Variants in CLSTN1 observed in about 807,000 individuals in gnomAD.
CLSTN1 encodes calsyntenin 1.
In CLSTN1, 28 loss-of-function variants were observed where a neutral mutation model predicts 108.3. That is an observed-to-expected ratio of 0.26 (90% CI 0.19 to 0.35). The LOEUF (loss-of-function observed/expected upper bound fraction) is 0.35. Among genes scored for constraint, CLSTN1 ranks in the 10% least tolerant of loss-of-function variants. CLSTN1 has a pLI of 1.00. For synonymous variants in CLSTN1, 524 were observed against 534.9 expected (o/e 0.98, Z 0.28); for missense variants, 1,157 against 1,302.6 (o/e 0.89, Z 1.72).
intron 7 of CLSTN1, among the ~76,000 whole-genome samples, chr1:9,746,197 T>C (rs1276351681): frequency 6.6e-6 from 1 of 152,220 alleles, no homozygotes; most frequent in Non-Finnish European, 1.5e-5. Flanking sequence ...GTCTCCATGA[T>C]TATTCCCTTA....
Position 9,743,980 on chromosome 1 carries a change from G to C in CLSTN1, c.1260C>G (p.Leu420=). 6.2e-7 allele frequency: 1 copy of C among 1,614,200 alleles called. No individual in the cohort carries two copies. Among genetic ancestry groups the C allele is most frequent in the Non-Finnish European group, 8.5e-7 (1 of 1,180,016 alleles). The change falls in exon 9 of 19, where the codon CTC becomes CTG. Residue 420 remains leucine (L), a synonymous_variant. Transcript: ENST00000377298. ...AGATCAGCCGGCACCCGTGGACATA[G>C]AGGGAGTAGTGGTGCCGATTCATAT... The part of the protein sequence containing the change: ...KTDMNRHHYS[L]YVHGCRLIFL...
rs1557701457 is a variant in CLSTN1, at chr1:9,758,324, CT to C, written c.215-1815del. 2.0e-5 allele frequency among the ~76,000 whole-genome samples: 3 copies of C among 150,248 alleles called. No homozygotes were observed. In the South Asian group the frequency reaches 6.3e-4, roughly 32 times the overall value. On this transcript the variant is annotated intron_variant, in intron 2 of 18. Coordinates refer to ENST00000377298, the MANE Select transcript of CLSTN1 (RefSeq NM_001009566.3). ...CAGTTTTTATGACTTGCTTCTTTTT[CT>C]TTTTTTGAGACAGAGTCTCACTCTG...
rs960886400 is a variant in CLSTN1, at chr1:9,808,531, T to A, written c.91+15112A>T. Among the ~76,000 whole-genome samples the A allele has an allele frequency of 3.3e-5, 5 of 152,232 alleles. 1 individual carries two copies. Among genetic ancestry groups the A allele is most frequent in the Admixed American group, 3.3e-4 (5 of 15,274 alleles). On this transcript the variant is annotated intron_variant, in intron 1 of 18. Coordinates refer to ENST00000377298, the MANE Select transcript of CLSTN1 (RefSeq NM_001009566.3). Reference sequence around the variant, plus strand: ...ATGAGTTACCTTTCCAAATCAGAAATGGCTTAGGTACCAGGAAACAATGTA... The same window carrying A: ...ATGAGTTACCTTTCCAAATCAGAAAAGGCTTAGGTACCAGGAAACAATGTA...
At chr1:9,803,003 T>C (rs1654352427) in intron 1 of CLSTN1, among the ~76,000 whole-genome samples, 1 of 152,176 alleles carries the variant, frequency 6.6e-6, no homozygotes, top group East Asian at 1.9e-4. Flanking sequence ...TTTTTATTTT[T>C]TGTAGAGACA....
At chr1:9,780,985 C>T in intron 1 of CLSTN1, 5 of 472,352 alleles carry the variant, frequency 1.1e-5, no homozygotes, top group Middle Eastern at 5.6e-4. Flanking sequence ...ACTGTGGTGT[C>T]ATGTCGGTGC....
At chr1:9,782,644 T>C (rs1365847109) in intron 1 of CLSTN1, among the ~76,000 whole-genome samples, 2 of 152,178 alleles carry the variant, frequency 1.3e-5, no homozygotes, top group African/African-American at 4.8e-5. Flanking sequence ...AATACAATAA[T>C]CAACTTTAGG....
At chr1:9,791,544 T>C (rs1653771432) in intron 1 of CLSTN1, among the ~76,000 whole-genome samples, 1 of 151,134 alleles carries the variant, frequency 6.6e-6, no homozygotes, top group African/African-American at 2.4e-5. Context: ...CAAATCCTTT[T>C]TTTTTGAGAT....
At chr1:9,771,412 A>C (rs1652667635) in intron 2 of CLSTN1, among the ~76,000 whole-genome samples, 1 of 152,112 alleles carries the variant, frequency 6.6e-6, no homozygotes, top group Non-Finnish European at 1.5e-5. Context: ...TCAGGAGTTC[A>C]AGACCAGCCT....
At chr1:9,804,388 G>A (rs1654417822) in intron 1 of CLSTN1, among the ~76,000 whole-genome samples, 2 of 151,204 alleles carry the variant, frequency 1.3e-5, no homozygotes, top group Admixed American at 1.3e-4. Context: ...AAAAGGCGAG[G>A]GTAATAATCC....
chr1:9,744,691 C>G (rs764756759), intron 7 of CLSTN1, 48 bp from the exon 8 acceptor site: 1 of 1,556,236 alleles, frequency 6.4e-7, no homozygotes, highest in East Asian at 2.3e-5. Context: ...CCAGAGGTCC[C>G]GCGCACCTCA....
In CLSTN1 at chr1:9,823,609, C is replaced by A. The variant is rs190006472; in HGVS notation, c.91+34G>T. ...CTGCACCCGGACCCGAATCCCGCACCGACCCAGCGGCCCGGCCCAGCCCCG... is the reference window on the plus strand; with the variant it reads ...CTGCACCCGGACCCGAATCCCGCACAGACCCAGCGGCCCGGCCCAGCCCCG... On this transcript the variant is annotated intron_variant, in intron 1 of 18. Transcript: ENST00000377298. This position sits in a 1 kb window ranked among gnomAD's most constrained non-coding sequence, Gnocchi z 6.3. The A allele has an allele frequency of 3.9e-3, 4,532 of 1,172,588 alleles. 8 individuals are homozygous for A. The highest frequency in any genetic ancestry group is 4.5e-3 in the Non-Finnish European group (4,222 of 946,280). 72.6% of individuals were successfully genotyped at this position (1,172,588 alleles called of 1,614,324 possible).
At chr1:9,775,901 C>T (rs373272826) in intron 1 of CLSTN1, among the ~76,000 whole-genome samples, 118 of 152,142 alleles carry the variant, frequency 7.8e-4, no homozygotes, top group African/African-American at 2.3e-3. Flanking sequence ...GTCACGCTCA[C>T]GTGTAAGGCT....
chr1:9,796,210 G>A (rs535319309), intron 1 of CLSTN1, among the ~76,000 whole-genome samples: 15 of 148,296 alleles, frequency 1.0e-4, no homozygotes, highest in East Asian at 6.2e-4. Context: ...TGCAGTGAGC[G>A]GAGATCATGC....
intron 1 of CLSTN1, among the ~76,000 whole-genome samples, chr1:9,789,217 C>T (rs1411555025): frequency 2.0e-5 from 3 of 151,378 alleles, no homozygotes; most frequent in Non-Finnish European, 4.4e-5. Context: ...TACGGTGATT[C>T]TATCTTTAGG....
chr1:9,811,005 A>G (rs1654735313), intron 1 of CLSTN1, among the ~76,000 whole-genome samples: 1 of 152,210 alleles, frequency 6.6e-6, no homozygotes, highest in Non-Finnish European at 1.5e-5. Flanking sequence ...TGCCATATGC[A>G]TTACTTTAAG....
rs757968676 is a variant in CLSTN1 at position 9,734,987 on chromosome 1, C to T, written c.2071G>A (p.Glu691Lys). The part of the protein sequence containing the change: ...ELRIISTITR[E>K]VEPEGDGAED... ...GCCCCGTCCCCTTCAGGCTCCACTT[C>T]TCTCGTGATGGTGCTGATGATGCGA... Residue 691 changes from glutamate to lysine, a missense_variant, in exon 14 of 19, where the codon GAA (glutamate) becomes AAA (lysine). By Grantham distance (56) the Glu-to-Lys change is moderately conservative (BLOSUM62 1). Coordinates refer to ENST00000377298, the MANE Select transcript of CLSTN1 (RefSeq NM_001009566.3). The surrounding 1 kb of genome is among the most constrained non-coding windows in gnomAD (Gnocchi z 4.8). 2 of 1,614,242 alleles carry T rather than the reference C, an allele frequency of 1.2e-6. No homozygotes were observed. Among genetic ancestry groups the T allele is most frequent in the Non-Finnish European group, 1.7e-6 (2 of 1,180,040 alleles).
At chr1:9,778,591 GGA>G (rs1414201237) in intron 1 of CLSTN1, among the ~76,000 whole-genome samples, 4 of 152,024 alleles carry the variant, frequency 2.6e-5, no homozygotes, top group Non-Finnish European at 4.4e-5. Flanking sequence ...GTTAAGTTAT[GGA>G]AGGTTAGATT....
At position 9,765,912 on chromosome 1, in the gene CLSTN1, T is replaced by C. The variant is rs528230315; in HGVS notation, c.214+7360A>G. Among the ~76,000 whole-genome samples the C allele has an allele frequency of 2.6e-5, 4 of 151,790 alleles. No homozygotes were observed. The East Asian group carries it at 7.7e-4, about 29-fold the overall frequency. ...GGCAATTTCATGCAGGTCAACCAAT[T>C]CACTGCTGCAAGCACAAGGTCAGCT... On this transcript the variant is annotated intron_variant, in intron 2 of 18. Coordinates refer to ENST00000377298, the MANE Select transcript of CLSTN1 (RefSeq NM_001009566.3).
chr1:9,807,112 C>A (rs559127508), intron 1 of CLSTN1, among the ~76,000 whole-genome samples: 1 of 151,974 alleles, frequency 6.6e-6, no homozygotes. Flanking sequence ...TTGGTTTTAC[C>A]CCCGGCTCAG....
Sources: allele counts gnomAD v4.1 joint callset (sites outside exome capture counted in the v4.1 genomes callset), GRCh38; gene constraint gnomAD v4.1.1; non-coding constraint Gnocchi (gnomAD v3.1); transcripts MANE v1.5; gene names NCBI Gene and HGNC (gene_info 2026-07-23, HGNC 2026-07-21).